The following ACTR1B variants were observed in gnomAD, a reference collection of about 807,000 sequenced individuals.
The protein encoded by ACTR1B is beta-centractin.
ACTR1B carries 34 observed loss-of-function variants against 49.4 expected under a neutral mutation model. The ratio of observed to expected loss-of-function variants is 0.69; its 90% confidence interval spans 0.52 to 0.92. The LOEUF (loss-of-function observed/expected upper bound fraction) is 0.92. ACTR1B is among the 40% of genes least tolerant of loss of function. The pLI is 0.00. For missense variants in ACTR1B, 471 were observed against 522.4 expected (o/e 0.90, Z 0.96); for synonymous variants, 207 against 207.8 (o/e 1.00, Z 0.03).
intron 2 of ACTR1B, among the ~76,000 whole-genome samples, chr2:97,660,929 G>A (rs544285515): frequency 4.6e-5 from 7 of 152,172 alleles, no homozygotes; most frequent in South Asian, 2.1e-4. Flanking sequence ...GCAGAGGGTC[G>A]GCTTCCTGCA....
rs559759747 is a variant in ACTR1B at position 97,658,131 on chromosome 2, G to C, written c.751-14C>G. ...TGCAGGCCCCACCTTTAGTGTACAA[G>C]ATTGAGGCAGACAGGCTTCCTGGAG... On this transcript the variant is annotated splice_polypyrimidine_tract_variant and intron_variant, in intron 7 of 10. Transcript: ENST00000289228. This position sits in a 1 kb window ranked among gnomAD's most constrained non-coding sequence, Gnocchi z 5.9. 3.2e-5 allele frequency: 52 copies of C among 1,613,466 alleles called. No individual in the cohort carries two copies. In the South Asian group the frequency reaches 5.3e-4, roughly 16 times the overall value.
rs556614152 is a variant in ACTR1B, at chr2:97,658,384, T to A, written c.657+43A>T. On this transcript the variant is annotated intron_variant, in intron 6 of 10. Transcript: ENST00000289228. This position sits in a 1 kb window ranked among gnomAD's most constrained non-coding sequence, Gnocchi z 5.9. ...ACACCTGTGCCTTGGTGCCACCCTT[T>A]CCTCACCCCAGGTCGTGTCCACACC... The A allele has an allele frequency of 2.0e-5, 33 of 1,613,490 alleles. No homozygotes were observed.
At position 97,657,459 on chromosome 2, in the gene ACTR1B, T is replaced by C. The variant is rs371336863; in HGVS notation, c.976A>G (p.Ile326Val). The change falls in exon 9 of 11, where the codon ATC becomes GTC. Residue 326 changes from isoleucine to valine, a missense_variant. Transcript: ENST00000289228. ...SEVKKLAPKD[I>V]KIKISAPQER... Reference sequence around the variant, plus strand: ...TTCTGTAACCTCACCTTGATTTTGATATCCTTTGGGGCAAGCTTCTTCACT... The same window carrying C: ...TTCTGTAACCTCACCTTGATTTTGACATCCTTTGGGGCAAGCTTCTTCACT... 1.2e-6 allele frequency: 2 copies of C among 1,614,104 alleles called. No individual in the cohort carries two copies. The highest frequency in any genetic ancestry group is 2.7e-5 in the African/African-American group (2 of 74,944).
intron 1 of ACTR1B, among the ~76,000 whole-genome samples, chr2:97,663,569 C>A (rs796290991): frequency 3.2e-4 from 49 of 152,164 alleles, no homozygotes; most frequent in African/African-American, 1.0e-3. Flanking sequence ...GCCCGGCCGC[C>A]CGGCTGTCAC....
At chr2:97,657,615 G>T in intron 8 of ACTR1B, 106 bp from the exon 9 acceptor site, 2 of 1,187,610 alleles carry the variant, frequency 1.7e-6, no homozygotes, top group Non-Finnish European at 2.5e-6. Flanking sequence ...TCCTCTATCA[G>T]CAGCTCTTCC....
intron 8 of ACTR1B, 126 bp downstream of exon 8, chr2:97,657,816 TA>T (rs950063501): frequency 1.7e-4 from 202 of 1,211,452 alleles, no homozygotes; most frequent in Middle Eastern, 2.1e-4. Flanking sequence ...TTTGGTCTGT[TA>T]AAAAAAATGT....
Position 97,658,788 on chromosome 2 carries a change from G to C in ACTR1B, c.440+91C>G. On this transcript the variant is annotated intron_variant, in intron 5 of 10. Coordinates refer to ENST00000289228, the MANE Select transcript of ACTR1B (RefSeq NM_005735.4). This position sits in a 1 kb window ranked among gnomAD's most constrained non-coding sequence, Gnocchi z 5.9. ...CTAGAGGAACAGTCATCAAGGGGCT[G>C]TTTTTCCAGGGAAGTCAGACCCTGG... 14 of 1,601,984 alleles carry C rather than the reference G, an allele frequency of 8.7e-6. No individual in the cohort carries two copies. Among genetic ancestry groups the C allele is most frequent in the Non-Finnish European group, 1.1e-5 (13 of 1,171,018 alleles).
chr2:97,659,240 C>A lies in ACTR1B; in HGVS notation c.315+112G>T. The A allele has an allele frequency of 2.6e-6, 4 of 1,531,686 alleles. No individual in the cohort carries two copies. Among genetic ancestry groups the A allele is most frequent in the Admixed American group, 1.8e-5 (1 of 56,704 alleles). The allele number at this position is 1,531,686 out of a possible 1,614,324, so 94.9% of individuals were successfully genotyped here. ...CACCCAGACACACACGGAAAGGCAG[C>A]AGGCCCTCTAGAAATGTAGAAGGGA... is the stretch of plus-strand genomic sequence containing the variant. On this transcript the variant is annotated intron_variant, in intron 4 of 10. Transcript: ENST00000289228. The surrounding 1 kb of genome is among the most constrained non-coding windows in gnomAD (Gnocchi z 4.0).
chr2:97,658,009 C>T lies in ACTR1B; in HGVS notation c.859G>A (p.Asp287Asn), dbSNP rs777679337. 7.4e-6 allele frequency: 12 copies of T among 1,614,046 alleles called. No individual in the cohort carries two copies. The highest frequency in any genetic ancestry group is 1.0e-5 in the Non-Finnish European group (12 of 1,180,052). The part of the protein sequence containing the change: ...EVVAFAIHKS[D>N]MDLRRTLFAN... ...AACAGCGTCCGGCGCAGGTCCATGT[C>T]GGACTTGTGTATGGCGAAGGCCACC... Residue 287 changes from aspartate to asparagine, a missense_variant, in exon 8 of 11, where the codon GAC (aspartate) becomes AAC (asparagine). Transcript: ENST00000289228. This position sits in a 1 kb window ranked among gnomAD's most constrained non-coding sequence, Gnocchi z 5.9.
rs561219240 is a variant in ACTR1B at position 97,660,500 on chromosome 2, C to G, written c.189+71G>C. 17 of 1,511,390 alleles carry G rather than the reference C, an allele frequency of 1.1e-5. No individual in the cohort carries two copies. In the East Asian group the frequency reaches 3.8e-4, roughly 34 times the overall value. The allele number at this position is 1,511,390 out of a possible 1,614,324, so 93.6% of individuals were successfully genotyped here. A position where few individuals can be genotyped will look rare whatever the true frequency, so the allele number is the denominator to read the frequency against. The stretch of plus-strand genomic sequence containing the variant: ...TACCCGGGAGGTCACCAGCAGAGGC[C>G]CAAGAACACATGCCATGTTCCTGCA... On this transcript the variant is annotated intron_variant, in intron 3 of 10. Coordinates refer to ENST00000289228, the MANE Select transcript of ACTR1B (RefSeq NM_005735.4).
chr2:97,659,629 C>T lies in ACTR1B; in HGVS notation c.190-152G>A, dbSNP rs1289891808. On this transcript the variant is annotated intron_variant, in intron 3 of 10. Transcript: ENST00000289228. The surrounding 1 kb of genome is among the most constrained non-coding windows in gnomAD (Gnocchi z 4.0). ...TCACTGGGTGTCCCAGGGTCTGTGG[C>T]GGGTCCTGAACTCAGCATGGGCTCA... 1.1e-5 allele frequency: 14 copies of T among 1,220,898 alleles called. No individual in the cohort carries two copies. The highest frequency in any genetic ancestry group is 4.1e-5 in the Admixed American group (2 of 48,462). 75.6% of individuals were successfully genotyped at this position (1,220,898 alleles called of 1,614,324 possible).
chr2:97,660,470 G>T, intron 3 of ACTR1B, 101 bp downstream of exon 3: 1 of 1,183,810 alleles, frequency 8.4e-7, no homozygotes, highest in Non-Finnish European at 1.2e-6. Context: ...GGAGCCTGGA[G>T]GAGGTACCCG....
chr2:97,658,252 T>A lies in ACTR1B; in HGVS notation c.722A>T (p.Tyr241Phe). Residue 241 changes from tyrosine to phenylalanine, a missense_variant, in exon 7 of 11, where the codon TAC becomes TTC. Tyr to Phe is a conservative substitution (Grantham distance 22). Transcript: ENST00000289228. This position sits in a 1 kb window ranked among gnomAD's most constrained non-coding sequence, Gnocchi z 5.9. Reference protein sequence around the residue: ...DEALETEKVQYTLPDGSTLDV... With the variant: ...DEALETEKVQFTLPDGSTLDV... ...AAGCGTGCTGCCGTCTGGCAACGTGTACTGCACCTTCTCCGTCTCCAGAGC... is the reference window on the plus strand; with the variant it reads ...AAGCGTGCTGCCGTCTGGCAACGTGAACTGCACCTTCTCCGTCTCCAGAGC... 1 of 1,614,212 alleles carries A rather than the reference T, an allele frequency of 6.2e-7. No homozygotes were observed. Among genetic ancestry groups the A allele is most frequent in the Non-Finnish European group, 8.5e-7 (1 of 1,180,034 alleles).
intron 10 of ACTR1B, 89 bp from the exon 11 acceptor site, chr2:97,657,049 G>A (rs1306443189): frequency 6.3e-7 from 1 of 1,579,510 alleles, no homozygotes; most frequent in Non-Finnish European, 8.7e-7. Flanking sequence ...CCCTAATTTG[G>A]GAGGGAAATC....
intron 1 of ACTR1B, 109 bp from the exon 2 acceptor site, chr2:97,662,055 A>AG (rs2104507246): frequency 1.8e-6 from 2 of 1,097,962 alleles, no homozygotes; most frequent in South Asian, 2.7e-5. Flanking sequence ...GGAGGAAGCC[A>AG]GGGACCCTGC....
rs781763870 is a variant in ACTR1B, at chr2:97,663,815, C to T, written c.48+28G>A. On this transcript the variant is annotated intron_variant, in intron 1 of 10. Transcript: ENST00000289228. Reference sequence around the variant, plus strand: ...CGTGCGCCCCCGGGGGCGGGGCGCCCGCCCTCCCCCTGGCTGCCGGGCCTC... The same window carrying T: ...CGTGCGCCCCCGGGGGCGGGGCGCCTGCCCTCCCCCTGGCTGCCGGGCCTC... 1.3e-4 allele frequency: 181 copies of T among 1,362,508 alleles called. 2 individuals carry two copies. The highest frequency in any genetic ancestry group is 2.5e-4 in the Middle Eastern group (1 of 3,944). The allele number at this position is 1,362,508 out of a possible 1,614,324, so 84.4% of individuals were successfully genotyped here. A position where few individuals can be genotyped will look rare whatever the true frequency, so the allele number is the denominator to read the frequency against.
In ACTR1B at chr2:97,661,909, T is replaced by C; in HGVS notation, c.86A>G (p.Gln29Arg). ...GVIKAGFAGDQIPKYCFPNYV... is the reference protein window; with the variant it reads ...GVIKAGFAGDRIPKYCFPNYV... ...GTTTGGGAAACAGTATTTGGGAATC[T>C]GGTCTCCTGCAAAGCCAGCTTTAAT... The change falls in exon 2 of 11, where the codon CAG becomes CGG. Residue 29 changes from glutamine to arginine, a missense_variant. Physicochemically the swap from Gln to Arg is conservative, Grantham distance 43. Transcript: ENST00000289228. 6.3e-7 allele frequency: 1 copy of C among 1,597,494 alleles called. No individual in the cohort carries two copies. Among genetic ancestry groups the C allele is most frequent in the East Asian group, 2.2e-5 (1 of 44,690 alleles).
At chr2:97,663,789 G>A in intron 1 of ACTR1B, 54 bp downstream of exon 1, 1 of 1,246,128 alleles carries the variant, frequency 8.0e-7, no homozygotes, top group South Asian at 1.8e-5. Context: ...CTGCGCCGCC[G>A]CGTGCGCCCC....
At chr2:97,661,556 T>C (rs1445431028) in intron 2 of ACTR1B, among the ~76,000 whole-genome samples, 1 of 152,242 alleles carries the variant, frequency 6.6e-6, no homozygotes, top group Non-Finnish European at 1.5e-5. Flanking sequence ...TCCTCACTCT[T>C]CCTGCTCCGA....
Sources: gnomAD v4.1 joint callset for allele counts (sites outside exome capture counted in the v4.1 genomes callset) on GRCh38, gnomAD v4.1.1 for gene constraint, Gnocchi (gnomAD v3.1) non-coding constraint, MANE v1.5 for transcripts, NCBI Gene and HGNC (gene_info 2026-07-23, HGNC 2026-07-21) for gene names.